The following JAM3 variants were observed in gnomAD, a reference collection of about 807,000 sequenced individuals.
JAM3 encodes the protein junctional adhesion molecule 3, also known as junctional adhesion molecule C.
In JAM3, 31 loss-of-function variants were observed where a neutral mutation model predicts 39.4. That is an observed-to-expected ratio of 0.79 (90% CI 0.59 to 1.06). The LOEUF is 1.06. JAM3 is among the 50% of genes least tolerant of loss of function. The pLI is 0.00. For synonymous variants in JAM3, 182 were observed against 148.7 expected (o/e 1.22, Z -1.63); for missense variants, 455 against 391.4 (o/e 1.16, Z -1.37).
chr11:134,113,244 C>T (rs1942352508), intron 1 of JAM3, among the ~76,000 whole-genome samples: 1 of 150,218 alleles, frequency 6.7e-6, no homozygotes, highest in South Asian at 2.1e-4. Context: ...GCACAACGTG[C>T]AGGTTTGTTA....
intron 1 of JAM3, among the ~76,000 whole-genome samples, chr11:134,107,155 A>G (rs1942208345): frequency 6.6e-6 from 1 of 152,240 alleles, no homozygotes; most frequent in South Asian, 2.1e-4. Flanking sequence ...TGCAGCCATA[A>G]AAAATGATGA....
At chr11:134,124,895 A>G (rs1010788409) in intron 1 of JAM3, among the ~76,000 whole-genome samples, 12 of 152,244 alleles carry the variant, frequency 7.9e-5, no homozygotes, top group African/African-American at 2.7e-4. Flanking sequence ...ATTCCAACGA[A>G]AAACGCTGGC....
intron 6 of JAM3, 192 bp from the exon 7 acceptor site, chr11:134,148,355 G>A: frequency 3.1e-6 from 2 of 643,364 alleles, no homozygotes; most frequent in Non-Finnish European, 5.4e-6. Flanking sequence ...CACGTGTGAA[G>A]TTAGGAGTTA....
intron 1 of JAM3, among the ~76,000 whole-genome samples, chr11:134,125,795 T>C (rs961096179): frequency 6.6e-6 from 1 of 152,210 alleles, no homozygotes; most frequent in Non-Finnish European, 1.5e-5. Flanking sequence ...ATTATCAAAA[T>C]GTTGGTAGGA....
intron 1 of JAM3, among the ~76,000 whole-genome samples, chr11:134,104,584 A>G (rs1390624973): frequency 6.6e-6 from 1 of 152,170 alleles, no homozygotes; most frequent in Non-Finnish European, 1.5e-5. Context: ...GGTTTTTGAA[A>G]AGATCAACAA....
intron 1 of JAM3, among the ~76,000 whole-genome samples, chr11:134,120,701 G>T (rs1417424410): frequency 6.6e-6 from 1 of 152,118 alleles, no homozygotes; most frequent in Non-Finnish European, 1.5e-5. Context: ...TTCAAACCTT[G>T]ACGAATCTGG....
At chr11:134,070,697 C>A (rs375026340) in intron 1 of JAM3, among the ~76,000 whole-genome samples, 4 of 152,214 alleles carry the variant, frequency 2.6e-5, no homozygotes, top group Admixed American at 2.0e-4. Flanking sequence ...AAGATCTGTT[C>A]ACGTGAAAGT....
At chr11:134,121,407 T>C (rs982689716) in intron 1 of JAM3, among the ~76,000 whole-genome samples, 1 of 146,752 alleles carries the variant, frequency 6.8e-6, no homozygotes, top group Non-Finnish European at 1.5e-5. Context: ...AAGGCCATTG[T>C]GAGCAGAAGC....
chr11:134,113,093 C>T (rs621953), intron 1 of JAM3, among the ~76,000 whole-genome samples: 60,076 of 151,940 alleles, frequency 0.4, 12,928 homozygotes, highest in African/African-American at 0.58. Context: ...AGCATGGTAA[C>T]TGGCATATAT....
At chr11:134,082,829 A>C (rs1258208519) in intron 1 of JAM3, among the ~76,000 whole-genome samples, 1 of 152,176 alleles carries the variant, frequency 6.6e-6, no homozygotes, top group East Asian at 1.9e-4. Context: ...GCACCACCTC[A>C]GGTTGAGAAG....
At chr11:134,111,160 T>C (rs976999987) in intron 1 of JAM3, among the ~76,000 whole-genome samples, 7 of 127,050 alleles carry the variant, frequency 5.5e-5, no homozygotes, top group Non-Finnish European at 8.1e-5. Context: ...TTTTTTTTTT[T>C]TGAGATGGAG....
chr11:134,072,133 C>T (rs372888983), intron 1 of JAM3, among the ~76,000 whole-genome samples: 1 of 152,088 alleles, frequency 6.6e-6, no homozygotes, highest in Non-Finnish European at 1.5e-5. Context: ...ATGTAACAGA[C>T]GCAGCTATGG....
intron 1 of JAM3, among the ~76,000 whole-genome samples, chr11:134,121,491 C>A (rs1158900724): frequency 6.6e-6 from 1 of 151,156 alleles, no homozygotes; most frequent in African/African-American, 2.4e-5. Flanking sequence ...TTTTTTTGAG[C>A]ATGTAAAACA....
chr11:134,124,116 G>T, intron 1 of JAM3: 1 of 1,486,514 alleles, frequency 6.7e-7, no homozygotes, highest in Admixed American at 1.7e-5. Context: ...AGGGGGTGGA[G>T]CTCCATCATC....
At chr11:134,093,723 T>C (rs1941920739) in intron 1 of JAM3, among the ~76,000 whole-genome samples, 2 of 111,172 alleles carry the variant, frequency 1.8e-5, no homozygotes, top group African/African-American at 3.5e-5. Context: ...TGAGGGAAGC[T>C]TCTCCTGAAC....
intron 1 of JAM3, among the ~76,000 whole-genome samples, chr11:134,132,370 A>T (rs1054045809): frequency 1.8e-4 from 27 of 152,234 alleles, no homozygotes; most frequent in Non-Finnish European, 3.8e-4. Context: ...ACATTGCCAG[A>T]TAAGTGAAAG....
At chr11:134,079,448 C>T (rs1441596822) in intron 1 of JAM3, among the ~76,000 whole-genome samples, 1 of 152,040 alleles carries the variant, frequency 6.6e-6, no homozygotes, top group South Asian at 2.1e-4. Flanking sequence ...TGAAAGGTGC[C>T]GTCTGATGTA....
chr11:134,074,661 A>G (rs1466001439), intron 1 of JAM3, among the ~76,000 whole-genome samples: 2 of 152,184 alleles, frequency 1.3e-5, no homozygotes, highest in Non-Finnish European at 2.9e-5. Flanking sequence ...ACACACTGAC[A>G]AAACGATCTG....
chr11:134,097,234 C>G (rs567574345), intron 1 of JAM3, among the ~76,000 whole-genome samples: 15 of 152,276 alleles, frequency 9.9e-5, no homozygotes, highest in South Asian at 2.1e-4. Context: ...ATAGTTTGAA[C>G]TTTCCTTAGA....
Sources: gnomAD v4.1 joint callset for allele counts (sites outside exome capture counted in the v4.1 genomes callset) on GRCh38, gnomAD v4.1.1 for gene constraint, MANE v1.5 for transcripts, NCBI Gene and HGNC (gene_info 2026-07-23, HGNC 2026-07-21) for gene names.